TYW1B: variants seen among roughly 807,000 people sequenced by gnomAD.
TYW1B encodes S-adenosyl-L-methionine-dependent tRNA 4-demethylwyosine synthase TYW1B.
A neutral mutation model predicts 86.9 loss-of-function variants in TYW1B; 73 were observed. The observed-to-expected ratio is 0.84, with a 90% CI of 0.70 to 1.02. The LOEUF is 1.02. Among genes scored for constraint, TYW1B ranks in the 50% least tolerant of loss-of-function variants. The pLI is 0.00. For missense variants in TYW1B, 637 were observed against 827.4 expected (o/e 0.77, Z 2.82); for synonymous variants, 248 against 292.8 (o/e 0.85, Z 1.56).
intron 13 of TYW1B, among the ~76,000 whole-genome samples, chr7:72,601,683 T>TAA (rs1222810092): frequency 1.0e-4 from 4 of 38,438 alleles, no homozygotes; most frequent in African/African-American, 2.8e-4. Context: ...TATTTGCCAA[T>TAA]AAAAAAAAAA....
At chr7:72,621,232 T>A (rs1554437908) in intron 12 of TYW1B, among the ~76,000 whole-genome samples, 10 of 152,230 alleles carry the variant, frequency 6.6e-5, no homozygotes. Context: ...CAAGCAGCTG[T>A]TGGCACCATG....
chr7:72,811,035 G>A (rs1211125463), intron 3 of TYW1B, among the ~76,000 whole-genome samples: 3 of 152,002 alleles, frequency 2.0e-5, no homozygotes, highest in African/African-American at 7.2e-5. Context: ...ACTTTGGGAG[G>A]CTGAGGCGGG....
intron 11 of TYW1B, among the ~76,000 whole-genome samples, chr7:72,670,056 A>G (rs1356157462): frequency 2.0e-5 from 3 of 151,906 alleles, no homozygotes; most frequent in Non-Finnish European, 4.4e-5. Context: ...GTTTGAGCCC[A>G]GGGGTTCAAG....
At chr7:72,738,088 C>CTTT (rs60979976) in intron 8 of TYW1B, among the ~76,000 whole-genome samples, 40 of 127,952 alleles carry the variant, frequency 3.1e-4, no homozygotes, top group Admixed American at 2.1e-3. Context: ...TTCTTTCTTT[C>CTTT]TTTTTTTTTT....
chr7:72,659,194 A>G (rs1813274558), intron 11 of TYW1B, among the ~76,000 whole-genome samples: 1 of 152,244 alleles, frequency 6.6e-6, no homozygotes, highest in Non-Finnish European at 1.5e-5. Context: ...GGAGAACTAC[A>G]CAGCTGGAGC....
chr7:72,738,575 T>C (rs1787242628), intron 8 of TYW1B, among the ~76,000 whole-genome samples: 1 of 152,120 alleles, frequency 6.6e-6, no homozygotes, highest in African/African-American at 2.4e-5. Flanking sequence ...ACCCACCAGA[T>C]ACCAGCAGCA....
chr7:72,611,314 A>G (rs1338646025), intron 13 of TYW1B, among the ~76,000 whole-genome samples: 1 of 152,078 alleles, frequency 6.6e-6, no homozygotes, highest in Non-Finnish European at 1.5e-5. Flanking sequence ...GAAGGCAGGA[A>G]CTGATATGGT....
chr7:72,827,111 T>G, intron 1 of TYW1B, 126 bp from the exon 2 acceptor site: 2 of 1,304,094 alleles, frequency 1.5e-6, no homozygotes, highest in Non-Finnish European at 2.1e-6. Flanking sequence ...AAATCTAATT[T>G]AAAAATCAAC....
intron 13 of TYW1B, among the ~76,000 whole-genome samples, chr7:72,603,302 T>C (rs1321067666): frequency 4.8e-5 from 6 of 124,510 alleles, no homozygotes; most frequent in African/African-American, 1.3e-4. Context: ...TGACAGATGA[T>C]TGATGGATGG....
intron 11 of TYW1B, among the ~76,000 whole-genome samples, chr7:72,652,612 G>C (rs1813091735): frequency 6.6e-6 from 1 of 152,072 alleles, no homozygotes; most frequent in Non-Finnish European, 1.5e-5. Flanking sequence ...TGGAGTGCTA[G>C]TTATACTGGT....
At chr7:72,582,939 A>C (rs187456449) in intron 13 of TYW1B, among the ~76,000 whole-genome samples, 162 of 152,298 alleles carry the variant, frequency 1.1e-3, no homozygotes, top group Non-Finnish European at 1.8e-3. Context: ...ACGTGGTTAT[A>C]ATAATGCAAA....
intron 11 of TYW1B, among the ~76,000 whole-genome samples, chr7:72,666,796 C>A (rs1218907769): frequency 1.3e-5 from 2 of 151,996 alleles, no homozygotes; most frequent in African/African-American, 4.8e-5. Context: ...CTTTGGGAGA[C>A]CGAGGCGGGT....
At chr7:72,675,539 G>GTGTATATA (rs1354550989) in intron 11 of TYW1B, among the ~76,000 whole-genome samples, 7 of 144,524 alleles carry the variant, frequency 4.8e-5, no homozygotes, top group Non-Finnish European at 4.5e-5. Context: ...AGTGATGTCA[G>GTGTATATA]TATATATATA....
chr7:72,596,455 T>C (rs1287040069), intron 13 of TYW1B, among the ~76,000 whole-genome samples: 3 of 151,966 alleles, frequency 2.0e-5, no homozygotes, highest in Non-Finnish European at 4.4e-5. Flanking sequence ...TGTAGAACAA[T>C]GGAATAGAGA....
At chr7:72,733,159 A>AACACACACACACACACAC (rs145935571) in intron 8 of TYW1B, among the ~76,000 whole-genome samples, 5 of 147,210 alleles carry the variant, frequency 3.4e-5, no homozygotes, top group South Asian at 4.4e-4. Flanking sequence ...CCAAACCTAA[A>AACACACACACACACACAC]ACACACACAC....
At chr7:72,676,832 C>T (rs1479002065) in intron 11 of TYW1B, among the ~76,000 whole-genome samples, 3 of 152,016 alleles carry the variant, frequency 2.0e-5, no homozygotes, top group Non-Finnish European at 2.9e-5. Flanking sequence ...GTGGCATGTG[C>T]CTGTAATCTC....
intron 11 of TYW1B, among the ~76,000 whole-genome samples, chr7:72,691,128 C>G (rs1158790780): frequency 6.6e-6 from 1 of 152,170 alleles, no homozygotes; most frequent in East Asian, 1.9e-4. Context: ...TGCTAAACAA[C>G]AGTAAAACAA....
intron 9 of TYW1B, among the ~76,000 whole-genome samples, chr7:72,716,930 G>T (rs1256944666): frequency 1.3e-5 from 2 of 149,160 alleles, no homozygotes; most frequent in African/African-American, 4.9e-5. Context: ...AGGGTTCATT[G>T]AAGGGACTCA....
intron 11 of TYW1B, among the ~76,000 whole-genome samples, chr7:72,646,858 T>C (rs1379934947): frequency 2.0e-5 from 3 of 152,208 alleles, no homozygotes; most frequent in Non-Finnish European, 4.4e-5. Flanking sequence ...ATTGGTTATA[T>C]TATTCTCTCT....
Sources: allele counts gnomAD v4.1 joint callset (sites outside exome capture counted in the v4.1 genomes callset), GRCh38; gene constraint gnomAD v4.1.1; transcripts MANE v1.5; gene names NCBI Gene and HGNC (gene_info 2026-07-23, HGNC 2026-07-21).